The following CPLANE1 variants were observed in gnomAD, a reference collection of about 807,000 sequenced individuals.
The protein encoded by CPLANE1 is ciliogenesis and planar polarity effector 1.
A neutral mutation model predicts 362.5 loss-of-function variants in CPLANE1; 263 were observed. That is an observed-to-expected ratio of 0.73 (90% CI 0.66 to 0.80). The LOEUF is 0.80. Among genes scored for constraint, CPLANE1 ranks in the 30% least tolerant of loss-of-function variants. The pLI is 0.00. For synonymous variants in CPLANE1, 1,212 were observed against 1,302.6 expected (o/e 0.93, Z 1.50); for missense variants, 3,461 against 3,793.4 (o/e 0.91, Z 2.30).
chr5:37,161,247 C>T (rs771642547), intron 38 of CPLANE1, among the ~76,000 whole-genome samples: 72 of 152,280 alleles, frequency 4.7e-4, no homozygotes, highest in Non-Finnish European at 1.8e-4. Flanking sequence ...ATCTAATCCA[C>T]TCCTGCAAAT....
Position 37,227,830 on chromosome 5 carries a change from C to A in CPLANE1, c.1122-13G>T. 1 of 1,534,452 alleles carries A rather than the reference C, an allele frequency of 6.5e-7. No homozygotes were observed. The highest frequency in any genetic ancestry group is 1.2e-5 in the South Asian group (1 of 81,884). ...AAACTGCTGTGGTCTAGTAAACAAA[C>A]ATCAAAATACAAGAATCAGTAAGAG... On this transcript the variant is annotated splice_polypyrimidine_tract_variant and intron_variant, in intron 9 of 52. Coordinates refer to ENST00000651892, the MANE Select transcript of CPLANE1 (RefSeq NM_001384732.1).
At position 37,247,733 on chromosome 5, in the gene CPLANE1, C is replaced by T. The variant is rs1452705070; in HGVS notation, c.-35G>A. ...GCTATCAATGACCAATTAAGTAAAACAGTCCCAAGATTCTGTAAACAATAA... is the reference window on the plus strand; with the variant it reads ...GCTATCAATGACCAATTAAGTAAAATAGTCCCAAGATTCTGTAAACAATAA... On this transcript the variant is annotated 5_prime_UTR_variant, in exon 2 of 53. Coordinates refer to ENST00000651892, the MANE Select transcript of CPLANE1 (RefSeq NM_001384732.1). The T allele has an allele frequency of 6.6e-7, 1 of 1,518,034 alleles. No individual in the cohort carries two copies. Among genetic ancestry groups the T allele is most frequent in the African/African-American group, 1.4e-5 (1 of 71,496 alleles). The allele number at this position is 1,518,034 out of a possible 1,614,324, so 94.0% of individuals were successfully genotyped here.
At chr5:37,167,426 T>C (rs527792984) in intron 34 of CPLANE1, among the ~76,000 whole-genome samples, 25 of 152,350 alleles carry the variant, frequency 1.6e-4, no homozygotes, top group Middle Eastern at 6.8e-3. Flanking sequence ...AAATGGGTCA[T>C]CCTATTTCAG....
Position 37,183,404 on chromosome 5 carries a change from G to C in CPLANE1, c.4777C>G (p.Leu1593Val), listed in dbSNP as rs1561526639. Residue 1593 changes from leucine to valine, a missense_variant, in exon 26 of 53, where the codon CTT becomes GTT. Around this residue, in one of 2 missense-constraint regions of CPLANE1, gnomAD observed 3,380 missense variants for 3,666.1 expected, o/e 0.92. Transcript: ENST00000651892. The part of the protein sequence containing the change: ...KLREHELNSL[L>V]FDVHTTLKRH... ...TTTAATGTTGTATGTACATCAAAAA[G>C]TAAAGAATTAAGTTCATGTTCTCTA... 6.2e-7 allele frequency: 1 copy of C among 1,613,338 alleles called. No individual in the cohort carries two copies.
At chr5:37,131,917 G>C (rs538022602) in intron 46 of CPLANE1, among the ~76,000 whole-genome samples, 1 of 152,070 alleles carries the variant, frequency 6.6e-6, no homozygotes, top group Non-Finnish European at 1.5e-5. Context: ...CCTCAGCCTC[G>C]AAAGTGCTGA....
chr5:37,230,111 G>A (rs942789848), intron 9 of CPLANE1, among the ~76,000 whole-genome samples: 14 of 150,868 alleles, frequency 9.3e-5, no homozygotes, highest in Middle Eastern at 3.4e-3. Context: ...GGGAGAGGGG[G>A]TTGCAGTGAG....
chr5:37,238,096 CTG>C (rs1799414183), intron 8 of CPLANE1, among the ~76,000 whole-genome samples: 1 of 152,130 alleles, frequency 6.6e-6, no homozygotes, highest in African/African-American at 2.4e-5. Context: ...GAAGGAATGA[CTG>C]AGCCCGAGAG....
intron 36 of CPLANE1, among the ~76,000 whole-genome samples, chr5:37,165,136 A>G (rs1777898468): frequency 6.6e-6 from 1 of 152,174 alleles, no homozygotes; most frequent in Non-Finnish European, 1.5e-5. Flanking sequence ...AATTTTAAAA[A>G]AAGACGTGAC....
intron 43 of CPLANE1, among the ~76,000 whole-genome samples, chr5:37,144,926 C>T (rs1428698141): frequency 6.6e-6 from 1 of 151,380 alleles, no homozygotes; most frequent in Non-Finnish European, 1.5e-5. Flanking sequence ...GTTGAGAAAT[C>T]TTAACTAAGT....
At chr5:37,202,830 A>C (rs936660282) in intron 18 of CPLANE1, among the ~76,000 whole-genome samples, 3 of 151,964 alleles carry the variant, frequency 2.0e-5, no homozygotes, top group Admixed American at 6.6e-5. Flanking sequence ...ATTCCAATTA[A>C]ATATATGTTG....
the CPLANE1 span, among the ~76,000 whole-genome samples, chr5:37,077,606 C>G: frequency 0.014 from 1,073 of 75,758 alleles, 4 homozygotes; most frequent in African/African-American, 0.063. Context: ...GTGTGTGTGT[C>G]TTTTTTTTTT....
chr5:37,163,137 G>T (rs566030744), intron 37 of CPLANE1, among the ~76,000 whole-genome samples: 61 of 152,334 alleles, frequency 4.0e-4, no homozygotes, highest in African/African-American at 1.3e-3. Flanking sequence ...GCAGAGAAAT[G>T]ATATGGTCAG....
At position 37,113,966 on chromosome 5, in the gene CPLANE1, C is replaced by A. The variant is rs111536421; in HGVS notation, c.9400+994G>T. ...TAGCTGGGACTACAGGCACATGCCA[C>A]CACGCCCAGCTAATTTTTGTATTTT... On this transcript the variant is annotated intron_variant, in intron 51 of 52. Transcript: ENST00000651892. Among the ~76,000 whole-genome samples, 1,107 of 152,248 alleles carry A rather than the reference C, an allele frequency of 7.3e-3. 17 individuals are homozygous for A. The highest frequency in any genetic ancestry group is 0.025 in the African/African-American group (1,041 of 41,526).
chr5:37,114,938 C>T, intron 51 of CPLANE1, 22 bp downstream of exon 51: 2 of 1,383,878 alleles, frequency 1.4e-6, no homozygotes, highest in Non-Finnish European at 2.0e-6. Context: ...AGTCTAAAAA[C>T]TTTATCTTCT....
intron 16 of CPLANE1, chr5:37,212,094 A>ATC: frequency 1.1e-6 from 1 of 912,354 alleles, no homozygotes. Flanking sequence ...AAGGGAAAGA[A>ATC]GAGAACTAGA....
chr5:37,092,792 C>A, the CPLANE1 span, among the ~76,000 whole-genome samples: 3 of 152,142 alleles, frequency 2.0e-5, no homozygotes, highest in Admixed American at 6.6e-5. Flanking sequence ...TATACTATAA[C>A]CTTTATTCAT....
Position 37,175,941 on chromosome 5 carries a change from T to C in CPLANE1, c.5946A>G (p.Ser1982=), listed in dbSNP as rs1360954522. 5 of 1,613,534 alleles carry C rather than the reference T, an allele frequency of 3.1e-6. No individual in the cohort carries two copies. The East Asian group carries it at 1.1e-4, about 36-fold the overall frequency. ...TTTCTGAACTCGTATCTACTTGCAT[T>C]GATTGAGGAGTGGTATGCCCAGGAT... The part of the protein sequence containing the change: ...FSHPGHTTPQ[S]MQVDTSSEIS... Residue 1982 remains serine, a synonymous_variant, in exon 31 of 53, where the codon TCA becomes TCG. Transcript: ENST00000651892.
the CPLANE1 span, among the ~76,000 whole-genome samples, chr5:37,090,294 G>T: frequency 1.3e-5 from 2 of 152,094 alleles, no homozygotes; most frequent in African/African-American, 2.4e-5. Context: ...AGGACAGATG[G>T]CCCCCGGGCT....
chr5:37,192,261 A>G, intron 21 of CPLANE1, among the ~76,000 whole-genome samples: 1 of 152,220 alleles, frequency 6.6e-6, no homozygotes, highest in African/African-American at 2.4e-5. Flanking sequence ...ACAGGGTCTC[A>G]CTATGTTGCC....
Sources: gnomAD v4.1 joint callset for allele counts (sites outside exome capture counted in the v4.1 genomes callset) on GRCh38, gnomAD v4.1.1 for gene constraint, gnomAD v4.1.1 regional missense constraint, MANE v1.5 for transcripts, NCBI Gene and HGNC (gene_info 2026-07-23, HGNC 2026-07-21) for gene names.